The following CXADR variants were observed in gnomAD, a reference collection of about 807,000 sequenced individuals.
The protein encoded by CXADR is coxsackievirus and adenovirus receptor.
In CXADR, 20 loss-of-function variants were observed where a neutral mutation model predicts 40.3. That is an observed-to-expected ratio of 0.50 (90% CI 0.35 to 0.72). CXADR has a LOEUF of 0.72. Among genes scored for constraint, CXADR ranks in the 30% least tolerant of loss-of-function variants. The probability of loss-of-function intolerance (pLI) is 0.01; values close to 1 mark genes in which losing one functional copy is unlikely to be tolerated. For synonymous variants in CXADR, 150 were observed against 161.3 expected (o/e 0.93, Z 0.53); for missense variants, 332 against 449.1 (o/e 0.74, Z 2.36).
At chr21:17,521,231 T>C (rs1017561367) in intron 1 of CXADR, among the ~76,000 whole-genome samples, 21 of 152,058 alleles carry the variant, frequency 1.4e-4, no homozygotes, top group Non-Finnish European at 5.9e-5. Context: ...GTGAGGCTAG[T>C]GGGTTTTAGC....
At chr21:17,586,848 A>G (rs974342456) in intron 7 of CXADR, among the ~76,000 whole-genome samples, 2 of 152,062 alleles carry the variant, frequency 1.3e-5, no homozygotes, top group Admixed American at 1.3e-4. Context: ...TTAACTCGTC[A>G]TTTAACATTA....
intron 6 of CXADR, among the ~76,000 whole-genome samples, chr21:17,561,835 T>C (rs965665752): frequency 1.2e-4 from 18 of 152,222 alleles, no homozygotes; most frequent in African/African-American, 4.1e-4. Context: ...ATCTGGAAGT[T>C]TGTAGAACAA....
At chr21:17,593,190 A>T in exon 8 of CXADR, 1 of 1,459,158 alleles carries the variant, frequency 6.9e-7, no homozygotes, top group South Asian at 1.5e-5. Flanking sequence ...TTACAGTTGT[A>T]TAAATATGGA....
At chr21:17,530,383 T>TA (rs1569086172) in intron 1 of CXADR, 1 of 454,636 alleles carries the variant, frequency 2.2e-6, no homozygotes, top group East Asian at 7.0e-5. Flanking sequence ...CTCATGTTGG[T>TA]AAGATTATTC....
chr21:17,515,732 G>C (rs1193706397), intron 1 of CXADR, among the ~76,000 whole-genome samples: 3 of 152,118 alleles, frequency 2.0e-5, no homozygotes, highest in Non-Finnish European at 4.4e-5. Flanking sequence ...CGTGAACCCG[G>C]GAGGCGTAGC....
Position 17,565,411 on chromosome 21 carries a change from G to A in CXADR, c.834-17G>A. 1 of 1,612,110 alleles carries A rather than the reference G, an allele frequency of 6.2e-7. No individual in the cohort carries two copies. Among genetic ancestry groups the A allele is most frequent in the Non-Finnish European group, 8.5e-7 (1 of 1,178,904 alleles). The stretch of plus-strand genomic sequence containing the variant: ...AAACTTATTCTCTTGACATGTATTG[G>A]GGATTTTGCTTTGCAGGGAAGATGT... On this transcript the variant is annotated splice_polypyrimidine_tract_variant and intron_variant, in intron 6 of 6. Transcript: ENST00000284878.
chr21:17,597,500 GA>G (rs555166009), downstream of CXADR, among the ~76,000 whole-genome samples: 4 of 149,654 alleles, frequency 2.7e-5, no homozygotes, highest in East Asian at 7.8e-4. Flanking sequence ...CTAAAAAAAA[GA>G]AAAAAAAACC....
At chr21:17,514,883 C>G (rs8129365) in intron 1 of CXADR, among the ~76,000 whole-genome samples, 37,747 of 151,962 alleles carry the variant, frequency 0.25, 4,960 homozygotes, top group Middle Eastern at 0.39. Context: ...CTCAGCCTCC[C>G]AGAGTCCTGG....
intron 7 of CXADR, among the ~76,000 whole-genome samples, chr21:17,591,489 C>G (rs2061434641): frequency 6.6e-6 from 1 of 151,906 alleles, no homozygotes. Flanking sequence ...GCTTTATTAT[C>G]TTAACTTGGA....
chr21:17,560,817 T>C lies in CXADR; in HGVS notation c.687T>C (p.Val229=), dbSNP rs1262666684. ...ATCAGTGCCTGTTGCGTCTAAACGTTGTCCCTCGTAAGTTATCTTCTTTCT... is the reference window on the plus strand; with the variant it reads ...ATCAGTGCCTGTTGCGTCTAAACGTCGTCCCTCGTAAGTTATCTTCTTTCT... ...GSDQCLLRLN[V]VPPSNKAGLI... The change falls in exon 5 of 7, where the codon GTT becomes GTC. Residue 229 remains valine (V), a synonymous_variant. Coordinates refer to ENST00000284878, the MANE Select transcript of CXADR (RefSeq NM_001338.5). 1 of 1,613,558 alleles carries C rather than the reference T, an allele frequency of 6.2e-7. No individual in the cohort carries two copies. Among genetic ancestry groups the C allele is most frequent in the Non-Finnish European group, 8.5e-7 (1 of 1,179,730 alleles).
chr21:17,576,262 T>C (rs1366757542), intron 7 of CXADR, among the ~76,000 whole-genome samples: 2 of 152,030 alleles, frequency 1.3e-5, no homozygotes, highest in Non-Finnish European at 2.9e-5. Context: ...GATAACACCA[T>C]AAAAGGAGCT....
chr21:17,566,921 T>C lies in CXADR; in HGVS notation c.*1229T>C. The C allele has an allele frequency of 8.2e-6, 8 of 980,138 alleles. No individual in the cohort carries two copies. Among genetic ancestry groups the C allele is most frequent in the Non-Finnish European group, 9.7e-6 (8 of 827,844 alleles). The allele number at this position is 980,138 out of a possible 1,614,324, so 60.7% of individuals were successfully genotyped here. On this transcript the variant is annotated 3_prime_UTR_variant, in exon 7 of 7. Transcript: ENST00000284878. ...AGCTGAGCTTTGAAAAAGTTTGTCT[T>C]AGTTTTGTGAAGGTGATTTATTCTT...
chr21:17,616,994 C>G, the CXADR span, among the ~76,000 whole-genome samples: 1 of 152,188 alleles, frequency 6.6e-6, no homozygotes, highest in East Asian at 1.9e-4. Context: ...AAAACACAAA[C>G]TCTCTTGATG....
intron 3 of CXADR, 54 bp from the exon 4 acceptor site, chr21:17,558,922 A>T: frequency 6.5e-7 from 1 of 1,546,610 alleles, no homozygotes; most frequent in Non-Finnish European, 8.7e-7. Flanking sequence ...TGCTGTATTC[A>T]TAAAAGTAAG....
At chr21:17,586,363 G>A (rs12329923) in intron 7 of CXADR, among the ~76,000 whole-genome samples, 74,554 of 147,348 alleles carry the variant, frequency 0.51, 20,619 homozygotes, top group African/African-American at 0.74. Context: ...AAGTTTATAT[G>A]TATATATACA....
intron 7 of CXADR, among the ~76,000 whole-genome samples, chr21:17,591,646 G>A (rs768885105): frequency 1.2e-4 from 18 of 151,804 alleles, no homozygotes; most frequent in Non-Finnish European, 2.1e-4. Flanking sequence ...AAAATTTAGA[G>A]CTTTGCAGTT....
chr21:17,598,730 C>A, the CXADR span: 2 of 1,614,150 alleles, frequency 1.2e-6, no homozygotes, highest in East Asian at 4.5e-5. Context: ...GTAACCTTAT[C>A]AAGGGCCCTG....
At chr21:17,517,451 A>G (rs1303672170) in intron 1 of CXADR, among the ~76,000 whole-genome samples, 5 of 152,218 alleles carry the variant, frequency 3.3e-5, no homozygotes, top group Non-Finnish European at 1.5e-5. Context: ...TCCTAGGGCC[A>G]GTACCATTTC....
rs1569091728 is a variant in CXADR, at chr21:17,534,079, C to CATAT, written c.44-12947_44-12946insTATA. Among the ~76,000 whole-genome samples, 152 of 77,356 alleles carry CATAT rather than the reference C, an allele frequency of 2.0e-3. 1 individual carries two copies. Among genetic ancestry groups the CATAT allele is most frequent in the African/African-American group, 7.4e-3 (148 of 20,030 alleles). The allele number at this position is 77,356 out of a possible 152,430, so 50.7% of individuals were successfully genotyped here. ...ATATAGCTATATATATACACACACACACATATATATATATATATATATTTT... is the reference window on the plus strand; with the variant it reads ...ATATAGCTATATATATACACACACACATATACATATATATATATATATATATTTT... On this transcript the variant is annotated intron_variant, in intron 1 of 6. Coordinates refer to ENST00000284878, the MANE Select transcript of CXADR (RefSeq NM_001338.5).
Sources: allele counts gnomAD v4.1 joint callset (sites outside exome capture counted in the v4.1 genomes callset), GRCh38; gene constraint gnomAD v4.1.1; transcripts MANE v1.5; gene names NCBI Gene and HGNC (gene_info 2026-07-23, HGNC 2026-07-21).